Variants in SPMIP4 observed in about 807,000 individuals in gnomAD.
SPMIP4 encodes sperm microtubule inner protein 4.
the SPMIP4 span, among the ~76,000 whole-genome samples, chr7:25,169,298 T>C: frequency 2.6e-5 from 4 of 152,110 alleles, no homozygotes; most frequent in African/African-American, 9.7e-5. Context: ...CACAGATAAG[T>C]GCGAGCATCC....
At chr7:25,140,548 C>G in the SPMIP4 span, among the ~76,000 whole-genome samples, 1 of 152,000 alleles carries the variant, frequency 6.6e-6, no homozygotes, top group Non-Finnish European at 1.5e-5. Flanking sequence ...GTGGTCCACC[C>G]GCCTCAGTCT....
the SPMIP4 span, among the ~76,000 whole-genome samples, chr7:25,134,316 T>A: frequency 1.6e-4 from 18 of 113,018 alleles, no homozygotes; most frequent in South Asian, 2.8e-4. Flanking sequence ...AACCAGTTAG[T>A]AAACTAACAC....
the SPMIP4 span, among the ~76,000 whole-genome samples, chr7:25,170,690 A>G: frequency 0.13 from 19,853 of 152,194 alleles, 1,432 homozygotes; most frequent in East Asian, 0.26. Context: ...TTGATTCAGG[A>G]TAAGTTAATT....
chr7:25,174,221 CCT>C, the SPMIP4 span, among the ~76,000 whole-genome samples: 4 of 151,392 alleles, frequency 2.6e-5, no homozygotes, highest in African/African-American at 2.4e-5. This position sits in a 1 kb window ranked among gnomAD's most constrained non-coding sequence, Gnocchi z 4.5. Flanking sequence ...TCTCTCTCTC[CCT>C]CTTTTCCTCC....
At chr7:25,126,481 T>C in the SPMIP4 span, among the ~76,000 whole-genome samples, 1 of 152,156 alleles carries the variant, frequency 6.6e-6, no homozygotes, top group Non-Finnish European at 1.5e-5. Flanking sequence ...CCAGGGCAAA[T>C]AATATTTTAT....
chr7:25,174,743 G>C, the SPMIP4 span, among the ~76,000 whole-genome samples: 4 of 152,164 alleles, frequency 2.6e-5, no homozygotes, highest in Admixed American at 2.6e-4. The surrounding 1 kb of genome is among the most constrained non-coding windows in gnomAD (Gnocchi z 4.5). Flanking sequence ...TGTGAGCTGA[G>C]AGAACTTGCT....
the SPMIP4 span, chr7:25,168,378 G>A: frequency 6.2e-7 from 1 of 1,613,366 alleles, no homozygotes; most frequent in Admixed American, 1.7e-5. Context: ...GGTCCTCGGG[G>A]AGTGAAATCG....
the SPMIP4 span, among the ~76,000 whole-genome samples, chr7:25,164,380 A>T: frequency 6.6e-6 from 1 of 152,184 alleles, no homozygotes; most frequent in African/African-American, 2.4e-5. Flanking sequence ...GATATTACAC[A>T]ATGATGGGGG....
the SPMIP4 span, among the ~76,000 whole-genome samples, chr7:25,160,896 T>C: frequency 6.6e-6 from 1 of 152,208 alleles, no homozygotes. Context: ...GTTGGGTAAG[T>C]AGGTCAAAGG....
At chr7:25,128,767 C>T in the SPMIP4 span, among the ~76,000 whole-genome samples, 1 of 152,200 alleles carries the variant, frequency 6.6e-6, no homozygotes, top group Non-Finnish European at 1.5e-5. The surrounding 1 kb of genome is among the most constrained non-coding windows in gnomAD (Gnocchi z 4.5). Context: ...AAATAGGAGT[C>T]TCTCCCCTGA....
chr7:25,153,118 G>A, the SPMIP4 span, among the ~76,000 whole-genome samples: 6 of 152,110 alleles, frequency 3.9e-5, no homozygotes, highest in African/African-American at 7.2e-5. Flanking sequence ...CTAGTTCCTG[G>A]AAAGATTTTT....
the SPMIP4 span, among the ~76,000 whole-genome samples, chr7:25,146,829 C>G: frequency 8.0e-6 from 1 of 125,000 alleles, no homozygotes; most frequent in African/African-American, 2.7e-5. Context: ...GGCACTTGAC[C>G]TTTGTGATTA....
the SPMIP4 span, among the ~76,000 whole-genome samples, chr7:25,177,499 A>C: frequency 3.3e-5 from 5 of 152,062 alleles, no homozygotes; most frequent in African/African-American, 1.2e-4. Context: ...AAAAACAAAA[A>C]AACAAAAAAC....
chr7:25,131,609 GGCAGGCCACTTCCAAAATGGCA>G, the SPMIP4 span, among the ~76,000 whole-genome samples: 6 of 152,344 alleles, frequency 3.9e-5, no homozygotes, highest in South Asian at 4.1e-4. The surrounding 1 kb of genome is among the most constrained non-coding windows in gnomAD (Gnocchi z 4.2). Flanking sequence ...CCAAGATGGT[GGCAGGCCACTTCCAAAATGGCA>G]GCAGGCCACT....
the SPMIP4 span, among the ~76,000 whole-genome samples, chr7:25,163,200 G>T: frequency 1.3e-5 from 2 of 152,210 alleles, no homozygotes; most frequent in Non-Finnish European, 2.9e-5. The surrounding 1 kb of genome is among the most constrained non-coding windows in gnomAD (Gnocchi z 4.4). Flanking sequence ...CATCCGTATT[G>T]TAGAATACTG....
At chr7:25,136,860 A>C in the SPMIP4 span, 1 of 1,464,828 alleles carries the variant, frequency 6.8e-7, no homozygotes. The surrounding 1 kb of genome is among the most constrained non-coding windows in gnomAD (Gnocchi z 5.7). Flanking sequence ...GTAGGTCAAA[A>C]GTCATACCCA....
the SPMIP4 span, among the ~76,000 whole-genome samples, chr7:25,133,158 G>A: frequency 6.6e-6 from 1 of 152,172 alleles, no homozygotes; most frequent in African/African-American, 2.4e-5. Context: ...GGAAGGAATT[G>A]CAAAAGGTAA....
chr7:25,166,280 A>G, the SPMIP4 span, among the ~76,000 whole-genome samples: 8 of 125,184 alleles, frequency 6.4e-5, no homozygotes, highest in Non-Finnish European at 1.1e-4. Flanking sequence ...CAGGCTGGAG[A>G]GCAATGGTTA....
the SPMIP4 span, chr7:25,179,073 C>T: frequency 1.2e-6 from 1 of 809,282 alleles, no homozygotes; most frequent in Non-Finnish European, 1.8e-6. Context: ...AAACAAGAAA[C>T]AGAAGAGCCC....
Sources: allele counts gnomAD v4.1 joint callset (sites outside exome capture counted in the v4.1 genomes callset), GRCh38; gene constraint gnomAD v4.1.1; non-coding constraint Gnocchi (gnomAD v3.1); transcripts MANE v1.5; gene names NCBI Gene and HGNC (gene_info 2026-07-23, HGNC 2026-07-21).